KCNIP4: variants seen among roughly 807,000 people sequenced by gnomAD.
KCNIP4 encodes Kv channel-interacting protein 4.
KCNIP4 carries 12 observed loss-of-function variants against 34.0 expected under a neutral mutation model. The ratio of observed to expected loss-of-function variants is 0.35; its 90% CI spans 0.23 to 0.57. The LOEUF (loss-of-function observed/expected upper bound fraction) is 0.57. KCNIP4 is among the 20% of genes least tolerant of loss of function. The pLI is 0.83. For missense variants in KCNIP4, 238 were observed against 311.7 expected (o/e 0.76, Z 1.78); for synonymous variants, 124 against 102.2 (o/e 1.21, Z -1.29).
intron 1 of KCNIP4, among the ~76,000 whole-genome samples, chr4:21,683,380 T>C (rs557840517): frequency 6.7e-6 from 1 of 149,230 alleles, no homozygotes; most frequent in Non-Finnish European, 1.5e-5. Context: ...AATTTATTGA[T>C]AAGGTCACTG....
Position 21,281,132 on chromosome 4 carries a change from G to A in KCNIP4, c.62-398423C>T, listed in dbSNP as rs114066489. On this transcript the variant is annotated intron_variant, in intron 1 of 8. Transcript: ENST00000382152. ...GATGGAGTCTTGTTCTGTTCCCCAGGCAGGAGTGCAGTGGCGCGATCTTGG... is the reference window on the plus strand; with the variant it reads ...GATGGAGTCTTGTTCTGTTCCCCAGACAGGAGTGCAGTGGCGCGATCTTGG... 9.5e-3 allele frequency among the ~76,000 whole-genome samples: 1,417 copies of A among 148,802 alleles called. 23 individuals are homozygous for A. The highest frequency in any genetic ancestry group is 0.033 in the African/African-American group (1,313 of 40,040).
At chr4:21,329,619 G>A (rs1231242169) in intron 1 of KCNIP4, among the ~76,000 whole-genome samples, 1 of 152,154 alleles carries the variant, frequency 6.6e-6, no homozygotes. Context: ...GATAAGGAAA[G>A]CCTTAATTCT....
chr4:21,553,655 G>A (rs909475767), intron 1 of KCNIP4, among the ~76,000 whole-genome samples: 5 of 152,026 alleles, frequency 3.3e-5, no homozygotes, highest in Non-Finnish European at 5.9e-5. Context: ...TAATTTAGTC[G>A]GTTGTAAATG....
At chr4:20,920,937 C>T (rs1729337370) in intron 1 of KCNIP4, among the ~76,000 whole-genome samples, 2 of 151,930 alleles carry the variant, frequency 1.3e-5, no homozygotes, top group African/African-American at 4.8e-5. Flanking sequence ...TGCAGTGAGC[C>T]AAGTCACGCC....
chr4:20,896,927 T>G (rs532459573), intron 1 of KCNIP4, among the ~76,000 whole-genome samples: 2 of 152,018 alleles, frequency 1.3e-5, no homozygotes, highest in South Asian at 4.2e-4. Flanking sequence ...TTCTCATTAG[T>G]ACTGGTATTT....
At chr4:21,832,967 C>A (rs11725650) in intron 1 of KCNIP4, among the ~76,000 whole-genome samples, 55,980 of 147,260 alleles carry the variant, frequency 0.38, 11,765 homozygotes, top group East Asian at 0.65. Flanking sequence ...ATATGTGCCA[C>A]ATTTTCTTAA....
intron 1 of KCNIP4, among the ~76,000 whole-genome samples, chr4:21,463,750 C>G (rs1343975129): frequency 6.6e-6 from 1 of 151,976 alleles, no homozygotes; most frequent in East Asian, 1.9e-4. Context: ...ATTCCTTTGT[C>G]TTCTCTTTTT....
chr4:21,125,796 G>A (rs1409954377), intron 1 of KCNIP4, among the ~76,000 whole-genome samples: 2 of 152,104 alleles, frequency 1.3e-5, no homozygotes, highest in Admixed American at 1.3e-4. Context: ...TAAGGGTGAA[G>A]TAAAAAGGGT....
At chr4:21,811,333 T>C (rs759043708) in intron 1 of KCNIP4, among the ~76,000 whole-genome samples, 5 of 152,216 alleles carry the variant, frequency 3.3e-5, no homozygotes, top group Admixed American at 6.5e-5. Context: ...CCATAGGGTA[T>C]ACAGTACTAT....
At chr4:20,849,706 A>T (rs1028425160) in intron 3 of KCNIP4, among the ~76,000 whole-genome samples, 1 of 152,204 alleles carries the variant, frequency 6.6e-6, no homozygotes, top group Non-Finnish European at 1.5e-5. Flanking sequence ...TTCCATATGT[A>T]TAAGAACAAA....
At chr4:21,522,653 A>C (rs1735637552) in intron 1 of KCNIP4, among the ~76,000 whole-genome samples, 1 of 152,066 alleles carries the variant, frequency 6.6e-6, no homozygotes, top group African/African-American at 2.4e-5. Context: ...AAGTGGCTAA[A>C]ATCATGAGCT....
Position 21,493,854 on chromosome 4 carries a change from A to C in KCNIP4, c.61+454717T>G, listed in dbSNP as rs559367744. 3.3e-5 allele frequency among the ~76,000 whole-genome samples: 5 copies of C among 152,324 alleles called. No homozygotes were observed. In the South Asian group the frequency reaches 1.0e-3, roughly 32 times the overall value. ...GTGAATGGGAGTTCAAATATCACTT[A>C]GGCAACCTCAAGCTCTAGGGGGATT... On this transcript the variant is annotated intron_variant, in intron 1 of 8. Transcript: ENST00000382152.
chr4:21,044,177 C>T (rs1742219699), intron 1 of KCNIP4, among the ~76,000 whole-genome samples: 1 of 152,262 alleles, frequency 6.6e-6, no homozygotes, highest in African/African-American at 2.4e-5. Flanking sequence ...ACTCTCATCT[C>T]CACTACCATC....
intron 2 of KCNIP4, among the ~76,000 whole-genome samples, chr4:20,869,412 A>G (rs186903433): frequency 6.6e-6 from 1 of 152,092 alleles, no homozygotes. Flanking sequence ...ATGAGATGGT[A>G]TATGTGTCTG....
intron 1 of KCNIP4, among the ~76,000 whole-genome samples, chr4:21,827,148 A>T (rs1272414590): frequency 6.6e-6 from 1 of 152,084 alleles, no homozygotes; most frequent in African/African-American, 2.4e-5. Flanking sequence ...TAAGCAATAA[A>T]TTTTAAGAAC....
At chr4:21,121,315 A>G (rs1750137865) in intron 1 of KCNIP4, among the ~76,000 whole-genome samples, 1 of 152,218 alleles carries the variant, frequency 6.6e-6, no homozygotes, top group Middle Eastern at 3.2e-3. Flanking sequence ...ATTGCAGAGT[A>G]GTTATTTTTC....
intron 1 of KCNIP4, among the ~76,000 whole-genome samples, chr4:21,031,602 C>T (rs1222631241): frequency 1.3e-5 from 2 of 152,110 alleles, no homozygotes; most frequent in African/African-American, 2.4e-5. Flanking sequence ...TTTGTTGTTA[C>T]ACATGCAAAG....
intron 1 of KCNIP4, among the ~76,000 whole-genome samples, chr4:21,082,287 A>C (rs1746069461): frequency 6.6e-6 from 1 of 151,826 alleles, no homozygotes; most frequent in Admixed American, 6.6e-5. Flanking sequence ...GAGGCTGCAT[A>C]AGCCAAACAC....
intron 1 of KCNIP4, among the ~76,000 whole-genome samples, chr4:21,370,245 A>T (rs1393770215): frequency 6.8e-6 from 1 of 147,504 alleles, no homozygotes; most frequent in Non-Finnish European, 1.5e-5. Context: ...CACAGGAAGC[A>T]GTAAGGAAAG....
Sources: gnomAD v4.1 joint callset for allele counts (sites outside exome capture counted in the v4.1 genomes callset) on GRCh38, gnomAD v4.1.1 for gene constraint, MANE v1.5 for transcripts, NCBI Gene and HGNC (gene_info 2026-07-23, HGNC 2026-07-21) for gene names.